The following CLVS1 variants were observed in gnomAD, a reference collection of about 807,000 sequenced individuals.
The protein encoded by CLVS1 is clavesin-1.
A neutral mutation model predicts 33.1 loss-of-function variants in CLVS1; 10 were observed. That is an observed-to-expected ratio of 0.30 (90% CI 0.19 to 0.51). The LOEUF is 0.51. Among genes scored for constraint, CLVS1 ranks in the 20% least tolerant of loss-of-function variants. The pLI is 0.97. For synonymous variants in CLVS1, 163 were observed against 166.1 expected, an observed-to-expected ratio of 0.98 and a Z score of 0.14; for missense variants, 343 against 433.4, an observed-to-expected ratio of 0.79 and a Z score of 1.85.
chr8:61,004,942 TAAAACAAAACAAGAC>T, the CLVS1 span, among the ~76,000 whole-genome samples: 1 of 146,506 alleles, frequency 6.8e-6, no homozygotes, highest in Non-Finnish European at 1.5e-5. Flanking sequence ...GTTTTTTGTT[TAAAACAAAACAAGAC>T]AAAACAAAAC....
chr8:60,972,037 G>A, the CLVS1 span, among the ~76,000 whole-genome samples: 38,459 of 152,080 alleles, frequency 0.25, 5,947 homozygotes, highest in Middle Eastern at 0.43. Context: ...GGCCTCAACT[G>A]GTGCAGCTGG....
chr8:61,402,643 G>A (rs376265793), intron 3 of CLVS1, among the ~76,000 whole-genome samples: 3 of 152,182 alleles, frequency 2.0e-5, no homozygotes, highest in Non-Finnish European at 4.4e-5. Context: ...AACAATTATT[G>A]TGTGCTAACA....
chr8:61,048,742 C>T, the CLVS1 span, among the ~76,000 whole-genome samples: 1 of 152,118 alleles, frequency 6.6e-6, no homozygotes, highest in South Asian at 2.1e-4. Context: ...CCCCCAACCT[C>T]CCACCATGGA....
At chr8:61,202,241 T>TAA in intron 2 of CLVS1, 1 of 510,542 alleles carries the variant, frequency 2.0e-6, no homozygotes, top group South Asian at 2.1e-5. Flanking sequence ...GGCTAGCAGA[T>TAA]ATTTAAGAAT....
At chr8:61,027,962 G>A in the CLVS1 span, among the ~76,000 whole-genome samples, 1 of 152,148 alleles carries the variant, frequency 6.6e-6, no homozygotes, top group African/African-American at 2.4e-5. Flanking sequence ...GCAATCAAGA[G>A]AATATTTTCA....
At chr8:61,308,324 G>T (rs1397881374) in intron 2 of CLVS1, among the ~76,000 whole-genome samples, 1 of 152,174 alleles carries the variant, frequency 6.6e-6, no homozygotes, top group African/African-American at 2.4e-5. Context: ...CAGACTCAGA[G>T]CTTCCAATTA....
intron 1 of CLVS1, among the ~76,000 whole-genome samples, chr8:61,102,840 C>A (rs879679827): frequency 3.3e-5 from 5 of 151,890 alleles, no homozygotes; most frequent in Non-Finnish European, 5.9e-5. Flanking sequence ...GAGGAAAGAG[C>A]AGTTGGAGGA....
intron 3 of CLVS1, among the ~76,000 whole-genome samples, chr8:61,420,303 TA>T (rs1033669286): frequency 2.0e-5 from 3 of 152,136 alleles, no homozygotes; most frequent in Non-Finnish European, 2.9e-5. Flanking sequence ...AACAAGCCTT[TA>T]AAAAAACATT....
chr8:61,164,012 C>G (rs891574426), intron 2 of CLVS1, among the ~76,000 whole-genome samples: 1 of 152,204 alleles, frequency 6.6e-6, no homozygotes, highest in East Asian at 1.9e-4. Flanking sequence ...TTGCCCACTC[C>G]CGGCTCGAAT....
At chr8:60,995,470 T>C in the CLVS1 span, among the ~76,000 whole-genome samples, 8 of 152,190 alleles carry the variant, frequency 5.3e-5, no homozygotes, top group African/African-American at 1.9e-4. Flanking sequence ...AGATACCATC[T>C]CACACCAGTT....
intron 2 of CLVS1, among the ~76,000 whole-genome samples, chr8:61,134,747 C>T (rs1346416875): frequency 6.6e-6 from 1 of 152,168 alleles, no homozygotes; most frequent in Non-Finnish European, 1.5e-5. Context: ...TTACACTGAG[C>T]CCACCCAGGT....
At chr8:61,317,020 T>G (rs1253991700) in intron 2 of CLVS1, among the ~76,000 whole-genome samples, 1 of 152,208 alleles carries the variant, frequency 6.6e-6, no homozygotes, top group Non-Finnish European at 1.5e-5. Flanking sequence ...ATTCTGATTT[T>G]TTTTCACTTA....
At chr8:61,174,540 C>T (rs1183248652) in intron 2 of CLVS1, among the ~76,000 whole-genome samples, 2 of 152,172 alleles carry the variant, frequency 1.3e-5, no homozygotes, top group African/African-American at 2.4e-5. Flanking sequence ...GTTAAAAATA[C>T]ACTGTGTGAC....
upstream of CLVS1, among the ~76,000 whole-genome samples, chr8:61,055,303 G>A (rs144199684): frequency 2.4e-3 from 372 of 152,308 alleles, 1 homozygote; most frequent in African/African-American, 8.0e-3. Flanking sequence ...ATGTCACGTT[G>A]CACCCAAATA....
intron 2 of CLVS1, among the ~76,000 whole-genome samples, chr8:61,244,448 T>C (rs1808767170): frequency 6.6e-6 from 1 of 152,188 alleles, no homozygotes; most frequent in Non-Finnish European, 1.5e-5. Flanking sequence ...ACAATATGTT[T>C]CTGAAGTTGT....
the CLVS1 span, among the ~76,000 whole-genome samples, chr8:61,045,380 C>T: frequency 6.6e-6 from 1 of 152,176 alleles, no homozygotes; most frequent in Non-Finnish European, 1.5e-5. Context: ...AAGGGATCAC[C>T]TATAACATCT....
chr8:61,178,169 GA>G (rs1199929159), intron 2 of CLVS1, among the ~76,000 whole-genome samples: 1 of 152,118 alleles, frequency 6.6e-6, no homozygotes, highest in Non-Finnish European at 1.5e-5. Flanking sequence ...TCATGGAGCT[GA>G]AAAACACAGC....
At chr8:60,990,231 T>C in the CLVS1 span, among the ~76,000 whole-genome samples, 2 of 151,000 alleles carry the variant, frequency 1.3e-5, no homozygotes, top group African/African-American at 2.4e-5. Flanking sequence ...TGGATTTGTG[T>C]GGCTCCTGCT....
intron 2 of CLVS1, among the ~76,000 whole-genome samples, chr8:61,321,265 G>T (rs144902144): frequency 5.1e-4 from 78 of 152,178 alleles, no homozygotes; most frequent in Non-Finnish European, 9.1e-4. Flanking sequence ...TGAGCTGATG[G>T]GGCACAGGCT....
Sources: gnomAD v4.1 joint callset for allele counts (sites outside exome capture counted in the v4.1 genomes callset) on GRCh38, gnomAD v4.1.1 for gene constraint, MANE v1.5 for transcripts, NCBI Gene and HGNC (gene_info 2026-07-23, HGNC 2026-07-21) for gene names.